NAA25: variants seen among roughly 807,000 people sequenced by gnomAD.
NAA25 encodes N-alpha-acetyltransferase 25, NatB auxiliary subunit, also known as N-terminal acetyltransferase B complex subunit NAA25.
In NAA25, 30 loss-of-function variants were observed where a neutral mutation model predicts 132.5. The ratio of observed to expected loss-of-function variants is 0.23; its 90% CI spans 0.17 to 0.31. The LOEUF is 0.31. NAA25 is among the 10% of genes least tolerant of loss of function. The pLI is 1.00. For missense variants in NAA25, 771 were observed against 1,150.4 expected (o/e 0.67, Z 4.77); for synonymous variants, 359 against 401.9 (o/e 0.89, Z 1.28).
intron 3 of NAA25, among the ~76,000 whole-genome samples, chr12:112,088,153 T>C (rs2079080992): frequency 6.6e-6 from 1 of 152,136 alleles, no homozygotes. Context: ...TCTGCCTGAA[T>C]TCTCCTTTTC....
At chr12:112,062,332 C>A (rs2078643597) in intron 11 of NAA25, among the ~76,000 whole-genome samples, 1 of 149,738 alleles carries the variant, frequency 6.7e-6, no homozygotes, top group South Asian at 2.1e-4. Flanking sequence ...ACCTGGGAGG[C>A]AGAGGTTGCT....
At chr12:112,074,341 CAAAAAAAAAA>C (rs34077129) in intron 9 of NAA25, among the ~76,000 whole-genome samples, 1 of 34,914 alleles carries the variant, frequency 2.9e-5, no homozygotes, top group African/African-American at 1.0e-4. Flanking sequence ...AACTCCATCT[CAAAAAAAAAA>C]AAAAAAAAAA....
chr12:112,044,008 A>G, intron 17 of NAA25, 140 bp from the exon 18 acceptor site: 4 of 810,466 alleles, frequency 4.9e-6, no homozygotes, highest in Non-Finnish European at 7.5e-6. Flanking sequence ...GCTCACTGCA[A>G]GCTCTGCCTC....
chr12:112,078,103 C>A, intron 7 of NAA25, 85 bp downstream of exon 7: 1 of 894,566 alleles, frequency 1.1e-6, no homozygotes. Flanking sequence ...GTCTTTATAT[C>A]CTTATGTGGA....
chr12:112,040,666 TAAA>T, intron 20 of NAA25, 88 bp from the exon 21 acceptor site: 6 of 708,994 alleles, frequency 8.5e-6, no homozygotes, highest in Non-Finnish European at 7.1e-6. Context: ...AATAAGCAAA[TAAA>T]AATTTAATTT....
chr12:112,097,606 C>CA (rs777633329), intron 1 of NAA25, among the ~76,000 whole-genome samples: 1,841 of 52,160 alleles, frequency 0.035, 93 homozygotes, highest in Admixed American at 0.17. Context: ...GACTCCGTCT[C>CA]AAAAAAAAAA....
chr12:112,039,454 C>A (rs961474900), intron 21 of NAA25, 115 bp from the exon 22 acceptor site: 5 of 618,308 alleles, frequency 8.1e-6, no homozygotes, highest in Non-Finnish European at 1.4e-5. Flanking sequence ...TAAATCCCTT[C>A]AATTTCTCAT....
chr12:112,085,208 C>T (rs939952592), intron 4 of NAA25, among the ~76,000 whole-genome samples: 3 of 150,928 alleles, frequency 2.0e-5, no homozygotes, highest in East Asian at 1.9e-4. Flanking sequence ...CCAGCCTGGG[C>T]GACAGAGCAA....
intron 20 of NAA25, 68 bp from the exon 21 acceptor site, chr12:112,040,646 A>G: frequency 1.2e-6 from 1 of 815,802 alleles, no homozygotes; most frequent in Non-Finnish European, 2.0e-6. Context: ...AACACAACAC[A>G]CAAATAAAGA....
chr12:112,047,295 G>A (rs1316758570), intron 17 of NAA25, among the ~76,000 whole-genome samples: 4 of 147,776 alleles, frequency 2.7e-5, no homozygotes, highest in Middle Eastern at 3.6e-3. Context: ...GTAATGGTGC[G>A]ATCTCAGCTC....
At chr12:112,040,458 T>C in intron 21 of NAA25, 23 bp downstream of exon 21, 2 of 1,397,010 alleles carry the variant, frequency 1.4e-6, no homozygotes, top group Non-Finnish European at 2.0e-6. Context: ...ACAATGTCTT[T>C]TAGGAAGAGA....
At chr12:112,106,953 T>TC (rs768992395) in intron 1 of NAA25, among the ~76,000 whole-genome samples, 40 of 69,644 alleles carry the variant, frequency 5.7e-4, no homozygotes, top group Non-Finnish European at 6.9e-4. Context: ...TGAGACTGTC[T>TC]CCAAAAAAAA....
At chr12:112,060,530 AAAG>A (rs1348216437) in intron 12 of NAA25, among the ~76,000 whole-genome samples, 171 bp from the exon 13 acceptor site, 1 of 152,238 alleles carries the variant, frequency 6.6e-6, no homozygotes, top group Non-Finnish European at 1.5e-5. Flanking sequence ...AAAGGGTTCA[AAAG>A]AAGGTGAGAC....
intron 1 of NAA25, among the ~76,000 whole-genome samples, chr12:112,100,397 G>A (rs1175765807): frequency 2.0e-5 from 3 of 152,012 alleles, no homozygotes; most frequent in Admixed American, 1.3e-4. Context: ...TCCTGACCTC[G>A]TGATCCTCCT....
rs2078116678 is a variant in NAA25, at chr12:112,029,040, A to C, written c.*491T>G. The C allele has an allele frequency of 6.4e-6, 1 of 156,902 alleles. No homozygotes were observed. The highest frequency in any genetic ancestry group is 1.4e-5 in the Non-Finnish European group (1 of 70,694). The allele number at this position is 156,902 out of a possible 1,614,324, so 9.7% of individuals were successfully genotyped here. On this transcript the variant is annotated 3_prime_UTR_variant, in exon 24 of 24. Transcript: ENST00000261745. ...TCTGTGGGAGCCAAGTAGCTGAGAA[A>C]GCCTCAAAACAAACTTACTGCTGTG...
intron 21 of NAA25, 86 bp from the exon 22 acceptor site, chr12:112,039,425 C>A: frequency 2.6e-6 from 2 of 774,604 alleles, no homozygotes; most frequent in African/African-American, 3.5e-5. Flanking sequence ...TCAACAAATT[C>A]TAACGCAGTT....
At chr12:112,091,243 CG>C (rs2079124949) in intron 2 of NAA25, among the ~76,000 whole-genome samples, 1 of 141,738 alleles carries the variant, frequency 7.1e-6, no homozygotes. Flanking sequence ...GATCCTGTCT[CG>C]AAAAAAAAAA....
intron 17 of NAA25, among the ~76,000 whole-genome samples, chr12:112,044,592 C>CCAGGGAGGCGGAGCTTG (rs1400717692): frequency 6.6e-6 from 1 of 151,860 alleles, no homozygotes; most frequent in Non-Finnish European, 1.5e-5. Flanking sequence ...ATGGCATGAA[C>CCAGGGAGGCGGAGCTTG]CAGGGAGGCG....
intron 11 of NAA25, among the ~76,000 whole-genome samples, chr12:112,063,261 A>G (rs2078664509): frequency 6.6e-6 from 1 of 152,206 alleles, no homozygotes; most frequent in Non-Finnish European, 1.5e-5. Flanking sequence ...GAAGACTCAG[A>G]GACTAAGGGC....
Sources: allele counts gnomAD v4.1 joint callset (sites outside exome capture counted in the v4.1 genomes callset), GRCh38; gene constraint gnomAD v4.1.1; transcripts MANE v1.5; gene names NCBI Gene and HGNC (gene_info 2026-07-23, HGNC 2026-07-21).